The following MIS18A variants were observed in gnomAD, a reference collection of about 807,000 sequenced individuals.
MIS18A encodes MIS18 kinetochore protein A, also known as protein Mis18-alpha.
Under a neutral mutation model 25.0 loss-of-function variants are expected in MIS18A, and 14 were observed. The observed-to-expected ratio is 0.56, with a 90% CI of 0.37 to 0.88. The LOEUF (loss-of-function observed/expected upper bound fraction) is 0.88. MIS18A is among the 40% of genes least tolerant of loss of function. MIS18A has a pLI of 0.00. For synonymous variants in MIS18A, 134 were observed against 118.6 expected (o/e 1.13, Z -0.84); for missense variants, 292 against 290.8 (o/e 1.00, Z -0.03).
the MIS18A span, among the ~76,000 whole-genome samples, chr21:32,202,424 T>G: frequency 2.0e-5 from 3 of 152,086 alleles, no homozygotes; most frequent in Admixed American, 2.0e-4. Flanking sequence ...CAAGATGCTA[T>G]GTAAAACAAT....
At chr21:32,157,700 T>C in the MIS18A span, among the ~76,000 whole-genome samples, 3 of 152,102 alleles carry the variant, frequency 2.0e-5, no homozygotes, top group Non-Finnish European at 2.9e-5. Context: ...CCCTAGATTG[T>C]TTATTTTTTT....
chr21:32,226,771 G>C, the MIS18A span, among the ~76,000 whole-genome samples: 24 of 152,078 alleles, frequency 1.6e-4, no homozygotes, highest in Non-Finnish European at 3.4e-4. Flanking sequence ...GACATCTACA[G>C]AACACTTCAG....
chr21:32,189,899 T>C, the MIS18A span, among the ~76,000 whole-genome samples: 1 of 152,204 alleles, frequency 6.6e-6, no homozygotes, highest in African/African-American at 2.4e-5. Context: ...GCAACGTCTT[T>C]TCCTGTTTGT....
chr21:32,193,574 C>T, the MIS18A span, among the ~76,000 whole-genome samples: 1 of 152,020 alleles, frequency 6.6e-6, no homozygotes, highest in Non-Finnish European at 1.5e-5. Context: ...TCTGGAATTG[C>T]GTAAATAATT....
At chr21:32,201,468 A>G in the MIS18A span, among the ~76,000 whole-genome samples, 1 of 152,194 alleles carries the variant, frequency 6.6e-6, no homozygotes, top group Non-Finnish European at 1.5e-5. Flanking sequence ...GACCTCCAGT[A>G]TTGACATTTT....
At chr21:32,261,459 C>T in the MIS18A span, 3 of 152,112 alleles carry the variant, frequency 2.0e-5, no homozygotes, top group Non-Finnish European at 4.4e-5. Flanking sequence ...CAAGATGAGA[C>T]GTAAGTATGC....
chr21:32,266,233 G>A (rs1197302034), downstream of MIS18A, among the ~76,000 whole-genome samples: 2 of 152,128 alleles, frequency 1.3e-5, no homozygotes, highest in Non-Finnish European at 2.9e-5. Context: ...TGGAAACTCT[G>A]TATCTAACTA....
intron 3 of MIS18A, 143 bp downstream of exon 3, chr21:32,270,262 CAA>C (rs11397095): frequency 2.4e-3 from 1,831 of 776,342 alleles, no homozygotes; most frequent in South Asian, 4.3e-3. Context: ...GAGGTCAAAG[CAA>C]AAAAAAAAAA....
the MIS18A span, among the ~76,000 whole-genome samples, chr21:32,159,545 A>C: frequency 0.014 from 2,196 of 152,360 alleles, 51 homozygotes; most frequent in African/African-American, 0.05. Flanking sequence ...CAAACTCTAT[A>C]AAATATTTGA....
the MIS18A span, among the ~76,000 whole-genome samples, chr21:32,205,319 T>C: frequency 6.6e-6 from 1 of 152,002 alleles, no homozygotes; most frequent in East Asian, 1.9e-4. Flanking sequence ...TTAGCCAGGG[T>C]GGTCTCAAAC....
the MIS18A span, among the ~76,000 whole-genome samples, chr21:32,221,586 A>T: frequency 6.6e-6 from 1 of 152,094 alleles, no homozygotes. Context: ...TGGGCAAAAT[A>T]AACAACTAGT....
chr21:32,187,158 C>T, the MIS18A span, among the ~76,000 whole-genome samples: 1 of 152,140 alleles, frequency 6.6e-6, no homozygotes, highest in Non-Finnish European at 1.5e-5. Context: ...AATAAATAAC[C>T]CGCCAACGAT....
the MIS18A span, among the ~76,000 whole-genome samples, chr21:32,164,333 C>A: frequency 1.3e-5 from 2 of 152,128 alleles, no homozygotes; most frequent in African/African-American, 4.8e-5. Flanking sequence ...CAGTCCACCC[C>A]GTAGCTATAT....
chr21:32,270,232 T>C (rs567871737), intron 3 of MIS18A, among the ~76,000 whole-genome samples, 175 bp downstream of exon 3: 1 of 149,106 alleles, frequency 6.7e-6, no homozygotes, highest in East Asian at 1.9e-4. Context: ...GTCTGACTTT[T>C]CCAATACCAA....
chr21:32,274,450 C>T (rs1317433201), intron 2 of MIS18A, among the ~76,000 whole-genome samples: 2 of 152,008 alleles, frequency 1.3e-5, no homozygotes, highest in Non-Finnish European at 2.9e-5. Flanking sequence ...CGGTGATCTG[C>T]CCACCTTGGC....
At chr21:32,266,716 T>C (rs2031613251), downstream of MIS18A, among the ~76,000 whole-genome samples, 1 of 151,294 alleles carries the variant, frequency 6.6e-6, no homozygotes. Context: ...AGGGACAGAC[T>C]CCAGACGCGC....
chr21:32,209,976 T>A, the MIS18A span, among the ~76,000 whole-genome samples: 1,770 of 152,186 alleles, frequency 0.012, 32 homozygotes, highest in African/African-American at 0.039. Flanking sequence ...AATACAGAAA[T>A]CAAAACTCAG....
chr21:32,269,787 A>G lies in MIS18A; in HGVS notation c.541T>C (p.Ser181Pro). The change falls in exon 4 of 5, where the codon TCT becomes CCT. Residue 181 changes from serine to proline, a missense_variant. Transcript: ENST00000290130. ...TCTTCTGACACAATTTGCTTTTCAG[A>G]GGACCCTAAAACATAACTGAAGTAC... ...EAIESYVLGSSEKQIVSEDKE... is the reference protein window; with the variant it reads ...EAIESYVLGSPEKQIVSEDKE... 1 of 1,606,722 alleles carries G rather than the reference A, an allele frequency of 6.2e-7. No homozygotes were observed. The highest frequency in any genetic ancestry group is 8.5e-7 in the Non-Finnish European group (1 of 1,173,206).
chr21:32,167,849 T>C, the MIS18A span, among the ~76,000 whole-genome samples: 1 of 151,952 alleles, frequency 6.6e-6, no homozygotes, highest in Admixed American at 6.5e-5. Context: ...CTGAGAAAAA[T>C]ATATATATTA....
Sources: gnomAD v4.1 joint callset for allele counts (sites outside exome capture counted in the v4.1 genomes callset) on GRCh38, gnomAD v4.1.1 for gene constraint, MANE v1.5 for transcripts, NCBI Gene and HGNC (gene_info 2026-07-23, HGNC 2026-07-21) for gene names.